The following TSNARE1 variants were observed in gnomAD, a reference collection of about 807,000 sequenced individuals.
TSNARE1 encodes t-SNARE domain-containing protein 1.
In TSNARE1, 49 loss-of-function variants were observed where a neutral mutation model predicts 62.0. The observed-to-expected ratio is 0.79, with a 90% CI of 0.63 to 1.00. TSNARE1 has a LOEUF of 1.00. TSNARE1 is among the 50% of genes least tolerant of loss of function. The pLI is 0.00. For synonymous variants in TSNARE1, 328 were observed against 294.4 expected (o/e 1.11, Z -1.17); for missense variants, 755 against 700.1 (o/e 1.08, Z -0.88).
intron 1 of TSNARE1, among the ~76,000 whole-genome samples, chr8:142,401,544 G>A (rs1054126947): frequency 1.3e-5 from 2 of 152,164 alleles, no homozygotes; most frequent in African/African-American, 4.8e-5. Flanking sequence ...GGGACACCTG[G>A]CTGCCCATGA....
At chr8:142,220,883 C>T (rs541428257) in intron 13 of TSNARE1, among the ~76,000 whole-genome samples, 2 of 152,332 alleles carry the variant, frequency 1.3e-5, no homozygotes, top group South Asian at 4.1e-4. Flanking sequence ...CTGGCAGTAC[C>T]ACAGAAGATT....
In TSNARE1 at chr8:142,315,074, C is replaced by CCTG. The variant is rs1292804877; in HGVS notation, c.1000_1002dup (p.Gln334dup). 3 of 1,613,956 alleles carry CCTG rather than the reference C, an allele frequency of 1.9e-6. No individual in the cohort carries two copies. In the Admixed American group the frequency reaches 5.0e-5, roughly 27 times the overall value. ...TTCAGCCGGTCCAGCTGAGGACGCT[C>CCTG]CTGCTGCAGACGCTCCTGCTGCAGA... On this transcript the variant is annotated inframe_insertion, in exon 8 of 14. Coordinates refer to ENST00000524325, the MANE Select transcript of TSNARE1 (RefSeq NM_145003.5).
At position 142,344,386 on chromosome 8, in the gene TSNARE1, G is replaced by T. The variant is rs760943727; in HGVS notation, c.325C>A (p.Pro109Thr). 9 of 1,577,228 alleles carry T rather than the reference G, an allele frequency of 5.7e-6. No homozygotes were observed. In the Admixed American group the frequency reaches 1.3e-4, roughly 23 times the overall value. Residue 109 changes from proline (P) to threonine (T), a missense_variant, in exon 4 of 14, where the codon CCC (proline) becomes ACC (threonine). By Grantham distance (38) the Pro-to-Thr change is conservative. Coordinates refer to ENST00000524325, the MANE Select transcript of TSNARE1 (RefSeq NM_145003.5). Reference protein sequence around the residue: ...IGPRKDSAAGPHGRMAGPSTT... With the variant: ...IGPRKDSAAGTHGRMAGPSTT... ...CTGGGCCCCGCCATCCGGCCATGGG[G>T]CCCAGCAGCCGAGTCCTTCCTCGGG... is the stretch of plus-strand genomic sequence containing the variant.
chr8:142,267,285 T>C (rs1158198786), intron 12 of TSNARE1, among the ~76,000 whole-genome samples: 1 of 152,202 alleles, frequency 6.6e-6, no homozygotes, highest in African/African-American at 2.4e-5. Flanking sequence ...GGATCTTTTC[T>C]CCAGAACCTT....
At chr8:142,222,492 CCACTCACTCAT>C (rs1816376898) in intron 13 of TSNARE1, among the ~76,000 whole-genome samples, 1 of 15,978 alleles carries the variant, frequency 6.3e-5, no homozygotes, top group Non-Finnish European at 1.3e-4. Flanking sequence ...ACTCACTCAT[CCACTCACTCAT>C]CCACTCACTC....
At chr8:142,381,846 T>A (rs972897496) in intron 1 of TSNARE1, among the ~76,000 whole-genome samples, 1 of 152,170 alleles carries the variant, frequency 6.6e-6, no homozygotes, top group Admixed American at 6.5e-5. Context: ...TGCCTTGGCA[T>A]TGGGAACAGG....
chr8:142,317,689 G>A (rs1484730594), intron 7 of TSNARE1, among the ~76,000 whole-genome samples: 3 of 152,344 alleles, frequency 2.0e-5, no homozygotes, highest in Admixed American at 1.3e-4. Flanking sequence ...CAGGCGTGGT[G>A]GCTCATGCCT....
At chr8:142,276,449 G>A (rs1006205476) in intron 11 of TSNARE1, 18 of 985,366 alleles carry the variant, frequency 1.8e-5, no homozygotes, top group African/African-American at 3.5e-5. Context: ...CCCCGCTCAC[G>A]TGCAAAGGAG....
Position 142,271,530 on chromosome 8 carries a change from T to C in TSNARE1, c.1446+3251A>G, listed in dbSNP as rs571869512. ...GGCTGGAAGGCCCCCATGAGTGTGG[T>C]TGCTGGTGGGGTGGAGGCTGGGGAA... On this transcript the variant is annotated intron_variant, in intron 12 of 13. Transcript: ENST00000524325. 52 of 1,356,732 alleles carry C rather than the reference T, an allele frequency of 3.8e-5. No individual in the cohort carries two copies. In the East Asian group the frequency reaches 1.4e-3, roughly 36 times the overall value. 84.0% of individuals were successfully genotyped at this position (1,356,732 alleles called of 1,614,324 possible).
chr8:142,392,733 G>T (rs1385318462), intron 1 of TSNARE1, among the ~76,000 whole-genome samples: 1 of 152,148 alleles, frequency 6.6e-6, no homozygotes, highest in African/African-American at 2.4e-5. Context: ...TCGGGAGTTT[G>T]AGTTTGAGAC....
chr8:142,282,450 T>C (rs1306433736), intron 11 of TSNARE1, among the ~76,000 whole-genome samples: 2 of 151,554 alleles, frequency 1.3e-5, no homozygotes, highest in African/African-American at 2.4e-5. Context: ...CCAGTGTCTA[T>C]CAATGAGCAA....
At chr8:142,235,990 G>A (rs1035619890) in intron 12 of TSNARE1, among the ~76,000 whole-genome samples, 8 of 152,130 alleles carry the variant, frequency 5.3e-5, no homozygotes, top group Non-Finnish European at 7.4e-5. Context: ...CAGGGGAGAC[G>A]GGCTCACCTC....
At chr8:142,235,716 T>C (rs1008419894) in intron 12 of TSNARE1, among the ~76,000 whole-genome samples, 12 of 152,176 alleles carry the variant, frequency 7.9e-5, no homozygotes, top group Non-Finnish European at 1.8e-4. Flanking sequence ...TCAGGAATGC[T>C]GTGTCCTTGG....
chr8:142,352,753 C>T (rs1834269966), intron 2 of TSNARE1, among the ~76,000 whole-genome samples: 1 of 152,164 alleles, frequency 6.6e-6, no homozygotes, highest in African/African-American at 2.4e-5. Context: ...GATATGCACA[C>T]GCATAAGCAA....
At chr8:142,404,016 A>T (rs900264136), upstream of TSNARE1, 17 of 152,382 alleles carry the variant, frequency 1.1e-4, no homozygotes, top group Admixed American at 8.5e-4. Context: ...GTGAACCAAG[A>T]GTCACACCCA....
intron 6 of TSNARE1, among the ~76,000 whole-genome samples, chr8:142,324,746 C>T (rs537435924): frequency 1.3e-5 from 2 of 152,290 alleles, no homozygotes; most frequent in East Asian, 3.9e-4. Context: ...CTCCCTGGCA[C>T]CGGGTCCCGA....
chr8:142,273,298 G>A (rs780445859), intron 12 of TSNARE1: 82 of 985,314 alleles, frequency 8.3e-5, no homozygotes, highest in Non-Finnish European at 9.8e-5. Flanking sequence ...TCATCTTGCT[G>A]GCTGGCTTTC....
intron 6 of TSNARE1, among the ~76,000 whole-genome samples, chr8:142,324,688 G>C (rs1265082253): frequency 2.0e-5 from 3 of 152,238 alleles, no homozygotes; most frequent in Admixed American, 6.5e-5. Flanking sequence ...CTGCAGGCTG[G>C]AGCTGGTGAG....
chr8:142,345,728 G>C lies in TSNARE1; in HGVS notation c.238+15C>G. 6.3e-7 allele frequency: 1 copy of C among 1,574,964 alleles called. No homozygotes were observed. The highest frequency in any genetic ancestry group is 8.6e-7 in the Non-Finnish European group (1 of 1,158,658). On this transcript the variant is annotated intron_variant, in intron 3 of 13. Transcript: ENST00000524325. ...CTTCCCAGGACCCCTGAGACCCAGC[G>C]TCTGAGTGAAGTACCTCGCTTCCTG... is the stretch of plus-strand genomic sequence containing the variant.
Sources: allele counts gnomAD v4.1 joint callset (sites outside exome capture counted in the v4.1 genomes callset), GRCh38; gene constraint gnomAD v4.1.1; transcripts MANE v1.5; gene names NCBI Gene and HGNC (gene_info 2026-07-23, HGNC 2026-07-21).